Variants in HTR4 observed in about 807,000 individuals in gnomAD.
HTR4 encodes the protein 5-hydroxytryptamine (serotonin) receptor 4, G protein-coupled.
Under a neutral mutation model 36.8 loss-of-function variants are expected in HTR4, and 16 were observed. That is an observed-to-expected ratio of 0.43 (90% CI 0.29 to 0.66). HTR4 has a LOEUF of 0.66. Among genes scored for constraint, HTR4 ranks in the 30% least tolerant of loss-of-function variants. The pLI is 0.13. For missense variants in HTR4, 438 were observed against 490.9 expected (o/e 0.89, Z 1.02); for synonymous variants, 189 against 185.1 (o/e 1.02, Z -0.17).
intron 2 of HTR4, among the ~76,000 whole-genome samples, chr5:148,560,044 T>C (rs1760126318): frequency 6.6e-6 from 1 of 152,126 alleles, no homozygotes; most frequent in African/African-American, 2.4e-5. Flanking sequence ...GTTACACTTA[T>C]TTGAAATCCT....
At chr5:148,489,306 G>A (rs1381833573) in intron 6 of HTR4, among the ~76,000 whole-genome samples, 1 of 152,182 alleles carries the variant, frequency 6.6e-6, no homozygotes, top group Non-Finnish European at 1.5e-5. Flanking sequence ...CCCAGGTAGA[G>A]TATCTAGAGA....
intron 4 of HTR4, among the ~76,000 whole-genome samples, chr5:148,542,733 A>G (rs1029296198): frequency 6.6e-6 from 1 of 152,202 alleles, no homozygotes; most frequent in Non-Finnish European, 1.5e-5. Flanking sequence ...AAAGTCTGAA[A>G]AGTATGGCTT....
intron 5 of HTR4, among the ~76,000 whole-genome samples, chr5:148,460,111 G>A (rs1755232536): frequency 6.7e-6 from 1 of 149,274 alleles, no homozygotes; most frequent in African/African-American, 2.5e-5. Context: ...ATAAAAAAAA[G>A]ACAGAAAAAA....
At chr5:148,589,216 A>T (rs2127256170) in intron 2 of HTR4, among the ~76,000 whole-genome samples, 1 of 152,340 alleles carries the variant, frequency 6.6e-6, no homozygotes, top group Middle Eastern at 3.4e-3. Flanking sequence ...TTGCTAAGTT[A>T]TTAGGTATGT....
rs369149512 is a variant in HTR4 at position 148,635,202 on chromosome 5, T to G, written c.26+1787A>C. On this transcript the variant is annotated intron_variant, in intron 2 of 6. Transcript: ENST00000377888. The stretch of plus-strand genomic sequence containing the variant: ...ATTTGATTTTAAAATAAAAATATTG[T>G]TGGCATACCACCTAAATTCATTATG... 6.6e-5 allele frequency among the ~76,000 whole-genome samples: 10 copies of G among 152,200 alleles called. No homozygotes were observed. In the East Asian group the frequency reaches 1.9e-3, roughly 29 times the overall value.
chr5:148,615,093 T>A (rs1430066528), intron 2 of HTR4, among the ~76,000 whole-genome samples: 3 of 151,280 alleles, frequency 2.0e-5, no homozygotes, highest in Non-Finnish European at 3.0e-5. Flanking sequence ...GACTGTAAAC[T>A]AGTTCAACCA....
At chr5:148,459,691 T>A (rs1001530715) in intron 5 of HTR4, among the ~76,000 whole-genome samples, 4 of 152,046 alleles carry the variant, frequency 2.6e-5, no homozygotes, top group Non-Finnish European at 5.9e-5. Context: ...ACCAAAGACA[T>A]CATGTGTAGC....
chr5:148,468,899 G>T (rs906025956), intron 5 of HTR4, among the ~76,000 whole-genome samples: 1 of 152,062 alleles, frequency 6.6e-6, no homozygotes, highest in Non-Finnish European at 1.5e-5. Context: ...TTTTATAAGA[G>T]ACTTTTTCCC....
intron 2 of HTR4, among the ~76,000 whole-genome samples, chr5:148,572,996 T>C (rs1247060862): frequency 6.6e-6 from 1 of 152,074 alleles, no homozygotes; most frequent in Non-Finnish European, 1.5e-5. Context: ...TTAGAATTAT[T>C]CCCTGTGGCA....
At chr5:148,579,033 C>G (rs1026725795) in intron 2 of HTR4, among the ~76,000 whole-genome samples, 43 of 152,178 alleles carry the variant, frequency 2.8e-4, no homozygotes, top group African/African-American at 1.0e-3. Flanking sequence ...TTTCTGCACA[C>G]TAAGTTCTAT....
At chr5:148,532,775 G>A (rs1455278646) in intron 4 of HTR4, among the ~76,000 whole-genome samples, 1 of 152,184 alleles carries the variant, frequency 6.6e-6, no homozygotes, top group Non-Finnish European at 1.5e-5. Flanking sequence ...AGCCTAAAAA[G>A]GCTGACTGGG....
At chr5:148,528,501 C>T (rs1758396519) in intron 4 of HTR4, among the ~76,000 whole-genome samples, 2 of 151,812 alleles carry the variant, frequency 1.3e-5, no homozygotes, top group Admixed American at 1.3e-4. Context: ...GAAAAGTAAA[C>T]ATCCTCTGAA....
intron 6 of HTR4, among the ~76,000 whole-genome samples, chr5:148,501,305 C>G (rs139132632): frequency 6.6e-6 from 1 of 152,180 alleles, no homozygotes; most frequent in Admixed American, 6.5e-5. Flanking sequence ...AGTTATATTT[C>G]TATGGTTTTT....
chr5:148,638,834 C>T (rs371983976), intron 1 of HTR4, among the ~76,000 whole-genome samples: 8 of 152,012 alleles, frequency 5.3e-5, no homozygotes, highest in Admixed American at 4.6e-4. Context: ...GTGAGTGGAT[C>T]GCTTGAGCCC....
intron 2 of HTR4, among the ~76,000 whole-genome samples, chr5:148,635,000 A>G (rs1299420448): frequency 6.6e-6 from 1 of 152,146 alleles, no homozygotes; most frequent in Non-Finnish European, 1.5e-5. Context: ...TCATTTGCAT[A>G]ATACCCTTGT....
chr5:148,547,742 G>T (rs1444839250), intron 4 of HTR4, among the ~76,000 whole-genome samples: 1 of 151,526 alleles, frequency 6.6e-6, no homozygotes, highest in African/African-American at 2.4e-5. Flanking sequence ...AAATAAATAA[G>T]AATAAATAAA....
In HTR4 at chr5:148,646,737, T is replaced by C. The variant is rs567930927; in HGVS notation, c.-48+7325A>G. Among the ~76,000 whole-genome samples the C allele has an allele frequency of 3.9e-3, 590 of 152,258 alleles. 4 individuals carry two copies. The highest frequency in any genetic ancestry group is 0.012 in the African/African-American group (501 of 41,552). ...ACATTTTTATAACAGACCAAGAACC[T>C]AACCCTTCACGTGCATTACTTCATT... On this transcript the variant is annotated intron_variant, in intron 1 of 6. Transcript: ENST00000377888.
chr5:148,546,638 T>A (rs80210793), intron 4 of HTR4, among the ~76,000 whole-genome samples: 6,139 of 152,096 alleles, frequency 0.04, 173 homozygotes, highest in African/African-American at 0.076. Flanking sequence ...CTTTCTCCCA[T>A]TTTTTTTCCT....
intron 4 of HTR4, among the ~76,000 whole-genome samples, chr5:148,542,410 A>G (rs747686061): frequency 9.2e-5 from 14 of 152,232 alleles, no homozygotes; most frequent in Non-Finnish European, 1.8e-4. Flanking sequence ...AGATACATTT[A>G]TCTCCAGCAC....
Sources: allele counts gnomAD v4.1 joint callset (sites outside exome capture counted in the v4.1 genomes callset), GRCh38; gene constraint gnomAD v4.1.1; transcripts MANE v1.5; gene names NCBI Gene and HGNC (gene_info 2026-07-23, HGNC 2026-07-21).